The following KCNJ12 variants were observed in gnomAD, a reference collection of about 807,000 sequenced individuals.
The protein encoded by KCNJ12 is ATP-sensitive inward rectifier potassium channel 12.
KCNJ12 carries 2 observed loss-of-function variants against 22.3 expected under a neutral mutation model. That is an observed-to-expected ratio of 0.09 (90% CI 0.04 to 0.28). The LOEUF is 0.28. Among genes scored for constraint, KCNJ12 ranks in the 10% least tolerant of loss-of-function variants. The pLI, the probability that KCNJ12 is intolerant of heterozygous loss-of-function variation, is 1.00. For synonymous variants in KCNJ12, 117 were observed against 261.4 expected, an observed-to-expected ratio of 0.45 and a Z score of 5.33; for missense variants, 155 against 633.3, an observed-to-expected ratio of 0.24 and a Z score of 8.11.
chr17:21,393,964 T>C (rs1190793338), intron 1 of KCNJ12, among the ~76,000 whole-genome samples: 1 of 152,194 alleles, frequency 6.6e-6, no homozygotes, highest in Non-Finnish European at 1.5e-5. Flanking sequence ...GCTGGCCTCT[T>C]ATGCCCCACC....
intron 1 of KCNJ12, among the ~76,000 whole-genome samples, chr17:21,387,089 G>A (rs1319597424): frequency 6.6e-6 from 1 of 152,060 alleles, no homozygotes; most frequent in Non-Finnish European, 1.5e-5. Context: ...CCGGGGGGCG[G>A]AGCCTGCAGT....
At chr17:21,393,897 G>A (rs2142056253) in intron 1 of KCNJ12, among the ~76,000 whole-genome samples, 2 of 152,362 alleles carry the variant, frequency 1.3e-5, no homozygotes, top group East Asian at 1.9e-4. Context: ...CATGGAGTGT[G>A]TGGCCTGTCT....
At chr17:21,407,417 A>G (rs1468507434) in intron 1 of KCNJ12, among the ~76,000 whole-genome samples, 14 of 147,972 alleles carry the variant, frequency 9.5e-5, no homozygotes, top group Admixed American at 6.7e-5. Flanking sequence ...CTGTTCATCC[A>G]CCCACTCAAC....
intron 1 of KCNJ12, among the ~76,000 whole-genome samples, chr17:21,385,455 G>A (rs1597555865): frequency 1.3e-5 from 2 of 152,202 alleles, no homozygotes; most frequent in Admixed American, 6.5e-5. Context: ...CTGTGTGGCC[G>A]GAGGCTCGGC....
At chr17:21,395,018 C>CT (rs1555559731) in intron 1 of KCNJ12, among the ~76,000 whole-genome samples, 1 of 152,168 alleles carries the variant, frequency 6.6e-6, no homozygotes, top group African/African-American at 2.4e-5. Flanking sequence ...TTGATGATGC[C>CT]TGGGCAAGGT....
intron 1 of KCNJ12, among the ~76,000 whole-genome samples, chr17:21,395,939 G>A (rs887910077): frequency 1.3e-5 from 2 of 152,212 alleles, no homozygotes; most frequent in African/African-American, 2.4e-5. Flanking sequence ...GCTGTGCCCT[G>A]CCTGCCCTGC....
intron 2 of KCNJ12, among the ~76,000 whole-genome samples, chr17:21,413,981 C>T (rs1906530970): frequency 1.3e-5 from 2 of 152,416 alleles, no homozygotes; most frequent in South Asian, 4.1e-4. Flanking sequence ...CGGCTGAGGT[C>T]AGCCAGGGAG....
chr17:21,380,120 C>T (rs1184441589), intron 1 of KCNJ12, among the ~76,000 whole-genome samples: 1 of 152,198 alleles, frequency 6.6e-6, no homozygotes, highest in Non-Finnish European at 1.5e-5. Flanking sequence ...TGCCTTACCA[C>T]CAGGCAGGTC....
chr17:21,408,302 A>G (rs1906103920), intron 1 of KCNJ12, among the ~76,000 whole-genome samples: 1 of 152,216 alleles, frequency 6.6e-6, no homozygotes, highest in Non-Finnish European at 1.5e-5. Flanking sequence ...TTTTTCTCTG[A>G]CACCCCATCT....
At chr17:21,398,230 G>A (rs1391827016) in intron 1 of KCNJ12, among the ~76,000 whole-genome samples, 1 of 152,160 alleles carries the variant, frequency 6.6e-6, no homozygotes, top group African/African-American at 2.4e-5. Flanking sequence ...ACGCAGGCCC[G>A]AGTCTGTGTG....
intron 1 of KCNJ12, among the ~76,000 whole-genome samples, chr17:21,397,796 C>A (rs546418837): frequency 2.0e-5 from 3 of 152,212 alleles, no homozygotes; most frequent in African/African-American, 7.2e-5. Context: ...CTCTGCCCTG[C>A]GGCCTCCAGC....
chr17:21,403,120 G>A (rs1326398937), intron 1 of KCNJ12, among the ~76,000 whole-genome samples: 1 of 152,310 alleles, frequency 6.6e-6, no homozygotes, highest in African/African-American at 2.4e-5. Context: ...CATGGAGGAG[G>A]CATCCTTTGA....
At chr17:21,415,147 C>A in intron 2 of KCNJ12, 140 bp from the exon 3 acceptor site, 1 of 868,866 alleles carries the variant, frequency 1.2e-6, no homozygotes, top group Non-Finnish European at 1.7e-6. Flanking sequence ...GAGTGGGGAG[C>A]TGGCTTGGGC....
At chr17:21,409,775 A>C (rs1296767169) in intron 2 of KCNJ12, among the ~76,000 whole-genome samples, 3 of 152,260 alleles carry the variant, frequency 2.0e-5, no homozygotes, top group Non-Finnish European at 4.4e-5. Flanking sequence ...CTAGGATATC[A>C]GTGGGGCACC....
At chr17:21,387,078 C>G (rs1403861681) in intron 1 of KCNJ12, among the ~76,000 whole-genome samples, 2 of 152,070 alleles carry the variant, frequency 1.3e-5, no homozygotes, top group African/African-American at 4.8e-5. Flanking sequence ...ATGGCGTGAA[C>G]CCGGGGGGCG....
At chr17:21,381,286 A>C (rs573394344) in intron 1 of KCNJ12, among the ~76,000 whole-genome samples, 47 of 152,278 alleles carry the variant, frequency 3.1e-4, no homozygotes, top group Admixed American at 8.5e-4. Flanking sequence ...GAGAGGGGCC[A>C]GGGAACAAAC....
chr17:21,397,206 T>C (rs987536008), intron 1 of KCNJ12, among the ~76,000 whole-genome samples: 3 of 152,210 alleles, frequency 2.0e-5, no homozygotes, highest in African/African-American at 7.2e-5. Flanking sequence ...TCCTCATCCG[T>C]CCAATGGGGA....
At chr17:21,405,444 G>T (rs78681233) in intron 1 of KCNJ12, 1 of 151,008 alleles carries the variant, frequency 6.6e-6, no homozygotes, top group South Asian at 2.1e-4. Context: ...CCGCTGGGGC[G>T]AGGCCCAGTG....
chr17:21,417,863 A>G lies in KCNJ12; in HGVS notation c.*1219A>G, dbSNP rs1906937567. ...TCCCTCACCTGGAGCAGCACAGCAG[A>G]GTTCAGGCAGGGCACAGCCAGGCCC... On this transcript the variant is annotated 3_prime_UTR_variant, in exon 3 of 3. Transcript: ENST00000583088. 6.0e-6 allele frequency: 1 copy of G among 167,588 alleles called. No individual in the cohort carries two copies. Among genetic ancestry groups the G allele is most frequent in the African/African-American group, 2.4e-5 (1 of 41,564 alleles). 10.4% of individuals were successfully genotyped at this position (167,588 alleles called of 1,614,324 possible).
Sources: allele counts gnomAD v4.1 joint callset (sites outside exome capture counted in the v4.1 genomes callset), GRCh38; gene constraint gnomAD v4.1.1; transcripts MANE v1.5; gene names NCBI Gene and HGNC (gene_info 2026-07-23, HGNC 2026-07-21).